Variants in IQSEC1 observed in about 807,000 individuals in gnomAD.
IQSEC1 encodes IQ motif and SEC7 domain-containing protein 1.
In IQSEC1, 31 loss-of-function variants were observed where a neutral mutation model predicts 91.0. The observed-to-expected ratio is 0.34, with a 90% confidence interval of 0.26 to 0.46. The LOEUF is 0.46. Among genes scored for constraint, IQSEC1 ranks in the 20% least tolerant of loss-of-function variants. The pLI, the probability that IQSEC1 is intolerant of heterozygous loss-of-function variation, is 1.00. For synonymous variants in IQSEC1, 699 were observed against 662.6 expected (o/e 1.05, Z -0.84); for missense variants, 1,388 against 1,575.6 (o/e 0.88, Z 2.02).
intron 2 of IQSEC1, among the ~76,000 whole-genome samples, chr3:13,152,803 G>A (rs1363392628): frequency 6.6e-6 from 1 of 152,202 alleles, no homozygotes; most frequent in African/African-American, 2.4e-5. Context: ...CTGGGAGGCA[G>A]AGGTTGCAGT....
intron 1 of IQSEC1, among the ~76,000 whole-genome samples, chr3:13,168,269 G>A (rs996525352): frequency 1.6e-4 from 24 of 152,236 alleles, no homozygotes; most frequent in Non-Finnish European, 2.1e-4. Context: ...ATGGCGTGAT[G>A]TAGAAAAGCG....
At chr3:13,139,825 A>G (rs1266506359) in intron 2 of IQSEC1, among the ~76,000 whole-genome samples, 1 of 152,200 alleles carries the variant, frequency 6.6e-6, no homozygotes, top group Non-Finnish European at 1.5e-5. Flanking sequence ...ACCTGGGGCC[A>G]TGTGGGCCAG....
At chr3:13,253,119 T>C (rs774988490) in intron 1 of IQSEC1, among the ~76,000 whole-genome samples, 1 of 152,256 alleles carries the variant, frequency 6.6e-6, no homozygotes, top group Non-Finnish European at 1.5e-5. Context: ...CTCCTGATGA[T>C]GTTCAGCAGG....
At chr3:13,135,925 G>T (rs1278357560) in intron 2 of IQSEC1, among the ~76,000 whole-genome samples, 1 of 152,212 alleles carries the variant, frequency 6.6e-6, no homozygotes, top group African/African-American at 2.4e-5. Flanking sequence ...GACATGAGAG[G>T]AGAAGCGCAG....
chr3:13,191,298 G>A (rs1694025570), intron 1 of IQSEC1, among the ~76,000 whole-genome samples: 1 of 152,160 alleles, frequency 6.6e-6, no homozygotes, highest in Non-Finnish European at 1.5e-5. Flanking sequence ...CCTCTCCAGA[G>A]CTGGGCACAG....
intron 2 of IQSEC1, among the ~76,000 whole-genome samples, chr3:13,129,852 G>A (rs948607783): frequency 6.6e-6 from 1 of 151,450 alleles, no homozygotes; most frequent in East Asian, 2.0e-4. Flanking sequence ...TAGAGACAGG[G>A]TTTCACCGTG....
chr3:13,137,087 G>A (rs1469373690), intron 2 of IQSEC1, among the ~76,000 whole-genome samples: 1 of 152,186 alleles, frequency 6.6e-6, no homozygotes, highest in African/African-American at 2.4e-5. Context: ...AGTGAGCCAT[G>A]ATCCTGCCGC....
intron 1 of IQSEC1, among the ~76,000 whole-genome samples, chr3:13,238,352 C>T (rs922101556): frequency 6.6e-6 from 1 of 152,210 alleles, no homozygotes; most frequent in Non-Finnish European, 1.5e-5. Flanking sequence ...CTCTTGCACC[C>T]CAAGCTCCAG....
chr3:13,108,900 C>T (rs1269175820), intron 2 of IQSEC1, among the ~76,000 whole-genome samples: 2 of 152,234 alleles, frequency 1.3e-5, no homozygotes, highest in African/African-American at 4.8e-5. Flanking sequence ...AGGTCATGGC[C>T]CCCGAGTGAA....
At chr3:13,100,975 G>A (rs1380192294) in intron 2 of IQSEC1, among the ~76,000 whole-genome samples, 1 of 148,702 alleles carries the variant, frequency 6.7e-6, no homozygotes, top group Non-Finnish European at 1.5e-5. Context: ...CCTGCCATGG[G>A]AGGACCTCGA....
At chr3:13,095,396 C>T (rs575961539) in intron 2 of IQSEC1, among the ~76,000 whole-genome samples, 118 of 152,248 alleles carry the variant, frequency 7.8e-4, no homozygotes, top group African/African-American at 2.6e-3. Flanking sequence ...CCAGCCTTGG[C>T]GATGCTGGTG....
intron 1 of IQSEC1, among the ~76,000 whole-genome samples, chr3:13,238,154 C>T (rs1694963864): frequency 6.6e-6 from 1 of 152,188 alleles, no homozygotes; most frequent in Admixed American, 6.5e-5. Flanking sequence ...CTCCACGTGC[C>T]CATCTGGAAA....
chr3:13,197,591 G>T (rs1348423656), intron 1 of IQSEC1, among the ~76,000 whole-genome samples: 1 of 152,236 alleles, frequency 6.6e-6, no homozygotes, highest in Non-Finnish European at 1.5e-5. Flanking sequence ...CTATTCAGCA[G>T]CATCTTGACA....
intron 1 of IQSEC1, among the ~76,000 whole-genome samples, chr3:13,204,095 A>G (rs1214926056): frequency 6.6e-6 from 1 of 152,042 alleles, no homozygotes; most frequent in Non-Finnish European, 1.5e-5. Context: ...GGACGCAGGC[A>G]CTCTACACCT....
chr3:13,124,489 T>C (rs776735841), intron 2 of IQSEC1, among the ~76,000 whole-genome samples: 1 of 152,202 alleles, frequency 6.6e-6, no homozygotes, highest in Non-Finnish European at 1.5e-5. Context: ...ACTGTAGAGC[T>C]TGGAGCCCTT....
At chr3:13,066,511 G>A (rs1705234737) in intron 1 of IQSEC1, among the ~76,000 whole-genome samples, 1 of 152,234 alleles carries the variant, frequency 6.6e-6, no homozygotes, top group South Asian at 2.1e-4. Context: ...TGAGGTGAAG[G>A]GGAAGAAGGG....
chr3:13,252,636 C>T (rs960958299), intron 1 of IQSEC1, among the ~76,000 whole-genome samples: 2 of 152,148 alleles, frequency 1.3e-5, no homozygotes, highest in Admixed American at 1.3e-4. Flanking sequence ...TCCACAGTGG[C>T]GGCACCATTT....
chr3:13,241,419 A>G (rs182955337), intron 1 of IQSEC1, among the ~76,000 whole-genome samples: 1 of 152,116 alleles, frequency 6.6e-6, no homozygotes, highest in Admixed American at 6.5e-5. Context: ...TCCATTTTCT[A>G]CGCCTGGGAG....
intron 2 of IQSEC1, among the ~76,000 whole-genome samples, chr3:13,123,526 G>A: frequency 6.6e-6 from 1 of 152,330 alleles, no homozygotes; most frequent in African/African-American, 2.4e-5. Context: ...ATGTGGCCTT[G>A]TGACTTCGCC....
Sources: allele counts gnomAD v4.1 joint callset (sites outside exome capture counted in the v4.1 genomes callset), GRCh38; gene constraint gnomAD v4.1.1; transcripts MANE v1.5; gene names NCBI Gene and HGNC (gene_info 2026-07-23, HGNC 2026-07-21).